Variants in TTC7B observed in about 807,000 individuals in gnomAD.
The protein encoded by TTC7B is tetratricopeptide repeat domain 7B, also known as tetratricopeptide repeat protein 7B.
TTC7B carries 28 observed loss-of-function variants against 106.8 expected under a neutral mutation model. The ratio of observed to expected loss-of-function variants is 0.26; its 90% CI spans 0.19 to 0.36. The LOEUF (loss-of-function observed/expected upper bound fraction) is 0.36, where lower values mean the gene tolerates loss of function less well. Ranked by LOEUF, TTC7B falls within the 10% of genes least tolerant of loss-of-function variation. The pLI, the probability that TTC7B is intolerant of heterozygous loss-of-function variation, is 1.00. For synonymous variants in TTC7B, 405 were observed against 430.6 expected (o/e 0.94, Z 0.74); for missense variants, 862 against 1,076.4 (o/e 0.80, Z 2.79).
At chr14:90,598,621 G>A (rs929846475) in intron 17 of TTC7B, among the ~76,000 whole-genome samples, 4 of 152,214 alleles carry the variant, frequency 2.6e-5, no homozygotes, top group East Asian at 1.9e-4. Context: ...TTTCTGACCC[G>A]TGCTCCTATT....
chr14:90,740,403 A>G (rs962303716), intron 4 of TTC7B, among the ~76,000 whole-genome samples: 12 of 152,100 alleles, frequency 7.9e-5, no homozygotes, highest in Non-Finnish European at 1.8e-4. Context: ...ACACCAGGCA[A>G]AACGTTGTTC....
chr14:90,735,029 C>A (rs1227821884), intron 4 of TTC7B, among the ~76,000 whole-genome samples: 1 of 152,076 alleles, frequency 6.6e-6, no homozygotes, highest in Non-Finnish European at 1.5e-5. Context: ...GGTGATCCAC[C>A]TGCCTCGGCC....
At chr14:90,713,260 T>C (rs1425956251) in intron 5 of TTC7B, among the ~76,000 whole-genome samples, 1 of 152,078 alleles carries the variant, frequency 6.6e-6, no homozygotes, top group Non-Finnish European at 1.5e-5. Context: ...AGACTACAAG[T>C]GCACACCACC....
Position 90,541,596 on chromosome 14 carries a change from A to G in TTC7B, c.2311-7T>C, listed in dbSNP as rs761094260. 2 of 1,561,454 alleles carry G rather than the reference A, an allele frequency of 1.3e-6. No homozygotes were observed. The highest frequency in any genetic ancestry group is 1.7e-6 in the Non-Finnish European group (2 of 1,146,858). ...GCTGGTGAAGGATCAGGGCCTGGAG[A>G]GGTCAGAGAGAGAGAGAGACAGTCA... On this transcript the variant is annotated splice_polypyrimidine_tract_variant and splice_region_variant and intron_variant, in intron 19 of 19. Coordinates refer to ENST00000328459, the MANE Select transcript of TTC7B (RefSeq NM_001010854.2).
chr14:90,540,420 CCT>C lies in TTC7B; in HGVS notation c.*946_*947del, dbSNP rs1473314651. 2 of 152,098 alleles carry C rather than the reference CCT, an allele frequency of 1.3e-5. No homozygotes were observed. Among genetic ancestry groups the C allele is most frequent in the African/African-American group, 2.4e-5 (1 of 41,366 alleles). 9.4% of individuals were successfully genotyped at this position (152,098 alleles called of 1,614,324 possible). A position where few individuals can be genotyped will look rare whatever the true frequency, so the allele number is the denominator to read the frequency against. On this transcript the variant is annotated 3_prime_UTR_variant, in exon 20 of 20. Transcript: ENST00000328459. Reference sequence around the variant, plus strand: ...TCCAGCCTGGGAAACAGAGTGAGACCCTGTCTCCAAAAAATAAAAATAAAATA... The same window carrying C: ...TCCAGCCTGGGAAACAGAGTGAGACCGTCTCCAAAAAATAAAAATAAAATA...
At chr14:90,711,301 C>T (rs1888434965) in intron 5 of TTC7B, among the ~76,000 whole-genome samples, 1 of 152,090 alleles carries the variant, frequency 6.6e-6, no homozygotes, top group South Asian at 2.1e-4. Context: ...TTTTATAACA[C>T]AAAGAAGACG....
intron 19 of TTC7B, among the ~76,000 whole-genome samples, chr14:90,548,996 C>T (rs148011095): frequency 0.016 from 2,434 of 152,062 alleles, 69 homozygotes; most frequent in African/African-American, 0.055. Flanking sequence ...GGCGTGGTGG[C>T]GGGCGCCTGT....
intron 18 of TTC7B, 91 bp downstream of exon 18, chr14:90,593,395 A>ATGAGGGGTGTGG: frequency 6.8e-7 from 1 of 1,463,430 alleles, no homozygotes; most frequent in Non-Finnish European, 9.0e-7. Context: ...TAAACAGACA[A>ATGAGGGGTGTGG]GCGCCCAGGC....
At chr14:90,756,372 C>CT (rs34712356) in intron 3 of TTC7B, among the ~76,000 whole-genome samples, 37 of 139,814 alleles carry the variant, frequency 2.6e-4, no homozygotes, top group Middle Eastern at 3.6e-3. Flanking sequence ...TTATTTTCTT[C>CT]TTTTTTTTTT....
rs1886897052 is a variant in TTC7B, at chr14:90,677,741, C to T, written c.1015-1081G>A. The T allele has an allele frequency of 2.3e-5, 10 of 440,850 alleles. 1 individual carries two copies. Among genetic ancestry groups the T allele is most frequent in the South Asian group, 1.5e-4 (9 of 61,426 alleles). 27.3% of individuals were successfully genotyped at this position (440,850 alleles called of 1,614,324 possible). ...CAGAAAGGCCACACACACACCTTCC[C>T]TCTCACTAATGAGACAAAATGCATT... is the stretch of plus-strand genomic sequence containing the variant. On this transcript the variant is annotated intron_variant, in intron 8 of 19. Transcript: ENST00000328459.
intron 16 of TTC7B, among the ~76,000 whole-genome samples, chr14:90,611,880 C>T (rs954301005): frequency 1.3e-5 from 2 of 152,204 alleles, no homozygotes; most frequent in Non-Finnish European, 1.5e-5. Context: ...AAAAGAACCA[C>T]GTCTGTCTCT....
chr14:90,680,074 C>A (rs1566833059), intron 8 of TTC7B, among the ~76,000 whole-genome samples: 1 of 152,234 alleles, frequency 6.6e-6, no homozygotes, highest in Non-Finnish European at 1.5e-5. Flanking sequence ...CTCGCCCACT[C>A]CAGGGCAAAT....
At chr14:90,607,384 C>T (rs1451532938) in intron 17 of TTC7B, among the ~76,000 whole-genome samples, 1 of 152,156 alleles carries the variant, frequency 6.6e-6, no homozygotes, top group Non-Finnish European at 1.5e-5. Flanking sequence ...GTGTCGGACG[C>T]CTGTGCCCTT....
intron 6 of TTC7B, among the ~76,000 whole-genome samples, chr14:90,694,010 A>G (rs1887574323): frequency 6.6e-6 from 1 of 152,242 alleles, no homozygotes; most frequent in Non-Finnish European, 1.5e-5. Context: ...ACACAATGGA[A>G]TATTATTTGG....
At position 90,651,473 on chromosome 14, in the gene TTC7B, AC is replaced by A. The variant is rs1413461922; in HGVS notation, c.1517+1367del. ...TTATACTGGCAGCTCAAGGCAGACC[AC>A]CACTGTGGCTGTTTTTAGAGAGCCA... On this transcript the variant is annotated intron_variant, in intron 13 of 19. Transcript: ENST00000328459. 3.3e-5 allele frequency among the ~76,000 whole-genome samples: 5 copies of A among 152,250 alleles called. No homozygotes were observed. The East Asian group carries it at 7.7e-4, about 23-fold the overall frequency.
chr14:90,615,261 C>A (rs1385527421), intron 16 of TTC7B, among the ~76,000 whole-genome samples: 1 of 152,106 alleles, frequency 6.6e-6, no homozygotes, highest in Non-Finnish European at 1.5e-5. Context: ...TCAATTTGGC[C>A]ACTCACTCCC....
intron 16 of TTC7B, among the ~76,000 whole-genome samples, chr14:90,616,359 A>T (rs556539934): frequency 9.4e-4 from 143 of 152,338 alleles, no homozygotes; most frequent in Non-Finnish European, 1.7e-3. Context: ...GTAGAATTTT[A>T]AAAAAATTAA....
intron 4 of TTC7B, among the ~76,000 whole-genome samples, chr14:90,731,332 C>T (rs1319704587): frequency 6.6e-6 from 1 of 152,166 alleles, no homozygotes; most frequent in Non-Finnish European, 1.5e-5. Context: ...AACCAATGTT[C>T]TCCAAACATG....
At chr14:90,702,883 G>A (rs1056868405) in intron 5 of TTC7B, among the ~76,000 whole-genome samples, 6 of 152,194 alleles carry the variant, frequency 3.9e-5, no homozygotes, top group Non-Finnish European at 5.9e-5. Context: ...CGGCTTTGGG[G>A]TGGGGCACGG....
Sources: gnomAD v4.1 joint callset for allele counts (sites outside exome capture counted in the v4.1 genomes callset) on GRCh38, gnomAD v4.1.1 for gene constraint, MANE v1.5 for transcripts, NCBI Gene and HGNC (gene_info 2026-07-23, HGNC 2026-07-21) for gene names.